The following P4HA1 variants were observed in gnomAD, a reference collection of about 807,000 sequenced individuals.
P4HA1 encodes prolyl 4-hydroxylase subunit alpha-1.
P4HA1 carries 24 observed loss-of-function variants against 72.8 expected under a neutral mutation model. The ratio of observed to expected loss-of-function variants is 0.33; its 90% CI spans 0.24 to 0.46. P4HA1 has a LOEUF of 0.46. Ranked by LOEUF, P4HA1 falls within the 20% of genes least tolerant of loss-of-function variation. The probability of loss-of-function intolerance (pLI) is 1.00; values close to 1 mark genes in which losing one functional copy is unlikely to be tolerated. For synonymous variants in P4HA1, 201 were observed against 218.8 expected (o/e 0.92, Z 0.72); for missense variants, 446 against 640.6 (o/e 0.70, Z 3.28).
chr10:73,093,856 A>AAAAAATAAAAAAT (rs1842089989), intron 1 of P4HA1, among the ~76,000 whole-genome samples: 1 of 62,334 alleles, frequency 1.6e-5, no homozygotes, highest in African/African-American at 8.5e-5. Flanking sequence ...AAAAAAAAAA[A>AAAAAATAAAAAAT]AAAAAAAAAA....
At chr10:73,008,571 A>G (rs528902316) in intron 14 of P4HA1, among the ~76,000 whole-genome samples, 1 of 152,320 alleles carries the variant, frequency 6.6e-6, no homozygotes, top group South Asian at 2.1e-4. Flanking sequence ...TACAGTTTCC[A>G]ATGTTCAATG....
chr10:73,015,800 A>T (rs192713102), intron 11 of P4HA1, among the ~76,000 whole-genome samples: 78 of 151,590 alleles, frequency 5.1e-4, no homozygotes, highest in African/African-American at 1.8e-3. Flanking sequence ...GCCTTTTGGA[A>T]CACCCTTTAC....
chr10:73,040,191 ACCTTCTGCTAT>A (rs1589595952), intron 9 of P4HA1, among the ~76,000 whole-genome samples: 1 of 151,924 alleles, frequency 6.6e-6, no homozygotes. Context: ...GTAGCTAAAT[ACCTTCTGCTAT>A]CATTTATAAT....
chr10:73,052,362 T>C (rs1451383284), intron 6 of P4HA1, among the ~76,000 whole-genome samples: 2 of 152,200 alleles, frequency 1.3e-5, no homozygotes, highest in Admixed American at 6.5e-5. Flanking sequence ...TATCCAATAT[T>C]AACCTAATTT....
In P4HA1 at chr10:73,011,766, C is replaced by T. The variant is rs115116989; in HGVS notation, c.1369-729G>A. Among the ~76,000 whole-genome samples, 182 of 152,150 alleles carry T rather than the reference C, an allele frequency of 1.2e-3. 1 individual carries two copies. The highest frequency in any genetic ancestry group is 4.2e-3 in the African/African-American group (176 of 41,552). ...AACCCAGCTACATATTATATCAGAG[C>T]TGCATCTAAAACAAGTGACTTACAA... On this transcript the variant is annotated intron_variant, in intron 12 of 14. Transcript: ENST00000394890.
At chr10:73,020,483 T>C (rs1377884243) in intron 10 of P4HA1, among the ~76,000 whole-genome samples, 4 of 152,118 alleles carry the variant, frequency 2.6e-5, no homozygotes, top group African/African-American at 9.7e-5. Flanking sequence ...CAGCTGAATT[T>C]TACCAGACAT....
At chr10:73,020,636 G>A (rs975755576) in intron 10 of P4HA1, among the ~76,000 whole-genome samples, 5 of 152,056 alleles carry the variant, frequency 3.3e-5, no homozygotes, top group Admixed American at 2.6e-4. Context: ...ACTTCAGGCT[G>A]ATATTCCTGA....
chr10:73,073,630 G>A (rs1841619796), intron 3 of P4HA1, 101 bp downstream of exon 3: 1 of 690,030 alleles, frequency 1.4e-6, no homozygotes, highest in Non-Finnish European at 2.6e-6. Flanking sequence ...GGCTTTGTAA[G>A]ACTCAAAAAT....
At position 73,074,803 on chromosome 10, in the gene P4HA1, C is replaced by T. The variant is rs754399580; in HGVS notation, c.76+5G>A. On this transcript the variant is annotated splice_donor_5th_base_variant and intron_variant, in intron 2 of 14. Transcript: ENST00000394890. ...CAACAAAAAACAACAAGTAGTAAGACTTACCAATTGAAGTAAAAAAGCCTG... is the reference window on the plus strand; with the variant it reads ...CAACAAAAAACAACAAGTAGTAAGATTTACCAATTGAAGTAAAAAAGCCTG... 5 of 1,480,732 alleles carry T rather than the reference C, an allele frequency of 3.4e-6. No homozygotes were observed. In the South Asian group the frequency reaches 5.7e-5, roughly 17 times the overall value. 91.7% of individuals were successfully genotyped at this position (1,480,732 alleles called of 1,614,324 possible).
chr10:73,074,649 A>C (rs1263812793), intron 2 of P4HA1, among the ~76,000 whole-genome samples, 159 bp downstream of exon 2: 1 of 152,178 alleles, frequency 6.6e-6, no homozygotes, highest in African/African-American at 2.4e-5. Flanking sequence ...ATAAAAAATA[A>C]AGAAAATGTC....
chr10:73,035,189 A>G (rs1474120622), intron 9 of P4HA1, among the ~76,000 whole-genome samples: 1 of 151,734 alleles, frequency 6.6e-6, no homozygotes, highest in Non-Finnish European at 1.5e-5. Context: ...CAGCAGTGAC[A>G]CCACTTTATA....
intron 9 of P4HA1, among the ~76,000 whole-genome samples, chr10:73,034,796 G>A (rs1179468882): frequency 6.6e-6 from 1 of 151,890 alleles, no homozygotes; most frequent in African/African-American, 2.4e-5. Flanking sequence ...GACCAGGCTG[G>A]TGTCAAACTC....
chr10:73,073,220 C>CTT (rs573264487), intron 3 of P4HA1, among the ~76,000 whole-genome samples: 14 of 116,156 alleles, frequency 1.2e-4, no homozygotes, highest in East Asian at 2.9e-4. Context: ...CATCCATATT[C>CTT]TTTTTTTTTT....
chr10:73,038,798 T>C (rs1780629915), intron 9 of P4HA1, among the ~76,000 whole-genome samples: 1 of 137,824 alleles, frequency 7.3e-6, no homozygotes, highest in Admixed American at 7.0e-5. Flanking sequence ...GGCTAATTTT[T>C]TGTATTTTTA....
chr10:73,055,842 AC>A (rs1197615479), intron 5 of P4HA1, among the ~76,000 whole-genome samples: 5 of 152,234 alleles, frequency 3.3e-5, no homozygotes, highest in Non-Finnish European at 7.3e-5. Context: ...AGTATTTGTC[AC>A]TTATTTAATC....
intron 1 of P4HA1, among the ~76,000 whole-genome samples, chr10:73,079,322 T>G (rs1841773277): frequency 6.6e-6 from 1 of 151,950 alleles, no homozygotes; most frequent in Non-Finnish European, 1.5e-5. Flanking sequence ...CCAGGTGTGG[T>G]AGTAGTCCCA....
At chr10:73,060,460 C>T (rs548931578) in intron 5 of P4HA1, among the ~76,000 whole-genome samples, 2 of 152,278 alleles carry the variant, frequency 1.3e-5, no homozygotes, top group Admixed American at 1.3e-4. Context: ...GTAGTCCCAG[C>T]TACTCAGAAG....
chr10:73,059,116 G>A (rs533893473), intron 5 of P4HA1, among the ~76,000 whole-genome samples: 4 of 151,866 alleles, frequency 2.6e-5, no homozygotes, highest in African/African-American at 9.7e-5. Flanking sequence ...GAGAATATAG[G>A]AGTAGATATA....
intron 3 of P4HA1, among the ~76,000 whole-genome samples, chr10:73,072,558 A>G (rs1841589586): frequency 6.6e-6 from 1 of 152,196 alleles, no homozygotes; most frequent in Non-Finnish European, 1.5e-5. Context: ...TTACATGTTC[A>G]TTTAAATCAA....
Sources: gnomAD v4.1 joint callset for allele counts (sites outside exome capture counted in the v4.1 genomes callset) on GRCh38, gnomAD v4.1.1 for gene constraint, MANE v1.5 for transcripts, NCBI Gene and HGNC (gene_info 2026-07-23, HGNC 2026-07-21) for gene names.